CBR4: variants seen among roughly 807,000 people sequenced by gnomAD.
The protein encoded by CBR4 is 3-oxoacyl-[acyl-carrier-protein] reductase.
Under a neutral mutation model 21.0 loss-of-function variants are expected in CBR4, and 22 were observed. The ratio of observed to expected loss-of-function variants is 1.05; its 90% CI spans 0.75 to 1.50. CBR4 has a LOEUF of 1.50. Among genes scored for constraint, CBR4 ranks in the 40% most tolerant of loss-of-function variants. The pLI, the probability that CBR4 is intolerant of heterozygous loss-of-function variation, is 0.00. For synonymous variants in CBR4, 100 were observed against 104.4 expected (o/e 0.96, Z 0.26); for missense variants, 302 against 286.3 (o/e 1.05, Z -0.40).
intron 2 of CBR4, among the ~76,000 whole-genome samples, chr4:168,902,990 T>A (rs2151300006): frequency 6.6e-6 from 1 of 152,284 alleles, no homozygotes; most frequent in East Asian, 1.9e-4. Flanking sequence ...CTTGAATTCC[T>A]GGGCTTGAGC....
At chr4:168,942,484 T>C (rs1763291039) in intron 2 of CBR4, among the ~76,000 whole-genome samples, 1 of 151,598 alleles carries the variant, frequency 6.6e-6, no homozygotes, top group Non-Finnish European at 1.5e-5. Context: ...GAAAAAATAA[T>C]GGATCAAAGG....
At chr4:168,975,455 C>A (rs1764339894) in intron 2 of CBR4, among the ~76,000 whole-genome samples, 2 of 152,152 alleles carry the variant, frequency 1.3e-5, no homozygotes, top group Admixed American at 1.3e-4. Flanking sequence ...GGTAGAATTA[C>A]CTGTTGTATT....
At chr4:169,002,870 G>T (rs2126857552) in intron 3 of CBR4, among the ~76,000 whole-genome samples, 1 of 151,550 alleles carries the variant, frequency 6.6e-6, no homozygotes, top group Non-Finnish European at 1.5e-5. Context: ...TCACATTTTG[G>T]TAATTTTCAT....
chr4:168,956,467 G>A (rs912173975), intron 2 of CBR4, among the ~76,000 whole-genome samples: 7 of 151,608 alleles, frequency 4.6e-5, no homozygotes, highest in African/African-American at 7.3e-5. Flanking sequence ...GCACGGTGGC[G>A]TGTGCCTATA....
Position 168,989,715 on chromosome 4 carries a change from TAAATCAATACTTGTTTATATGACTTGCAA to T in CBR4, c.*406_*434del. 1.0e-6 allele frequency: 1 copy of T among 980,988 alleles called. No homozygotes were observed. The allele number at this position is 980,988 out of a possible 1,614,324, so 60.8% of individuals were successfully genotyped here. A position where few individuals can be genotyped will look rare whatever the true frequency, so the allele number is the denominator to read the frequency against. On this transcript the variant is annotated 3_prime_UTR_variant, in exon 5 of 5. Coordinates refer to ENST00000306193, the MANE Select transcript of CBR4 (RefSeq NM_032783.5). Reference sequence around the variant, plus strand: ...TTTTCCACTTTTGAGACAAAATATATAAATCAATACTTGTTTATATGACTTGCAAAATGTCTATACACTAAGATTGCTAC... The same window carrying T: ...TTTTCCACTTTTGAGACAAAATATATAATGTCTATACACTAAGATTGCTAC...
rs551821563 is a variant in CBR4, at chr4:168,972,181, T to C, written n.169+29890A>G. 2.2e-4 allele frequency among the ~76,000 whole-genome samples: 33 copies of C among 152,330 alleles called. No homozygotes were observed. The South Asian group carries it at 2.7e-3, about 12-fold the overall frequency. On this transcript the variant is annotated intron_variant and non_coding_transcript_variant, in intron 2 of 3. Coordinates refer to the CBR4 transcript ENST00000509108. The stretch of plus-strand genomic sequence containing the variant: ...CCAGTATCATGCTATTTGATAAGTA[T>C]AGCCTGTAGTATAGTTTGAAGTCGG...
chr4:168,921,383 G>A (rs561193219), intron 2 of CBR4: 1 of 584,242 alleles, frequency 1.7e-6, no homozygotes, highest in Non-Finnish European at 2.9e-6. Flanking sequence ...CTCCAGCCTG[G>A]GCAATAAGAG....
rs1177590233 is a variant in CBR4 at position 168,998,010 on chromosome 4, A to G, written c.535+4061T>C. Among the ~76,000 whole-genome samples the G allele has an allele frequency of 5.3e-5, 8 of 152,222 alleles. No homozygotes were observed. The East Asian group carries it at 1.5e-3, about 29-fold the overall frequency. ...CAGAGTGGGAAATCAACTTCATTCC[A>G]AACAGCACATAAGAACACTTAGAAT... On this transcript the variant is annotated intron_variant, in intron 4 of 4. Coordinates refer to ENST00000306193, the MANE Select transcript of CBR4 (RefSeq NM_032783.5).
chr4:169,008,839 C>A, intron 1 of CBR4: 2 of 390,304 alleles, frequency 5.1e-6, no homozygotes, highest in Non-Finnish European at 9.9e-6. Context: ...TCTCCCTGAC[C>A]TATAACTTAC....
intron 3 of CBR4, among the ~76,000 whole-genome samples, chr4:169,003,395 G>T (rs1352507438): frequency 6.6e-6 from 1 of 152,220 alleles, no homozygotes; most frequent in Non-Finnish European, 1.5e-5. Context: ...GCAATCTTAT[G>T]ATAAAACAAA....
At chr4:168,946,573 A>C (rs989201846) in intron 2 of CBR4, among the ~76,000 whole-genome samples, 7 of 150,496 alleles carry the variant, frequency 4.7e-5, no homozygotes, top group African/African-American at 1.7e-4. Flanking sequence ...ACAAAAATGT[A>C]AAGTAATGTC....
intron 2 of CBR4, among the ~76,000 whole-genome samples, chr4:168,943,270 G>A (rs1763311571): frequency 6.6e-6 from 1 of 152,166 alleles, no homozygotes; most frequent in Admixed American, 6.5e-5. Flanking sequence ...AGCTTCCTGA[G>A]ACCTCTGCAA....
chr4:168,960,862 C>T (rs1449599761), intron 2 of CBR4, among the ~76,000 whole-genome samples: 3 of 152,248 alleles, frequency 2.0e-5, no homozygotes, highest in Non-Finnish European at 2.9e-5. Flanking sequence ...GGTAGGTATG[C>T]GGTGGCATCT....
At chr4:168,922,748 C>T (rs1761831999) in intron 2 of CBR4, among the ~76,000 whole-genome samples, 1 of 152,184 alleles carries the variant, frequency 6.6e-6, no homozygotes, top group Non-Finnish European at 1.5e-5. Flanking sequence ...TTCTTACATG[C>T]TACAATTGAT....
intron 2 of CBR4, chr4:168,898,799 G>A: frequency 1.2e-6 from 1 of 861,786 alleles, no homozygotes; most frequent in Non-Finnish European, 2.0e-6. Context: ...GTAGGAGAAA[G>A]AGATACAAAT....
intron 2 of CBR4, among the ~76,000 whole-genome samples, chr4:168,972,671 GC>G (rs1764246163): frequency 2.6e-5 from 4 of 152,150 alleles, no homozygotes; most frequent in Admixed American, 2.6e-4. Flanking sequence ...AGATCTAGAA[GC>G]TTTCCAAATG....
intron 3 of CBR4, among the ~76,000 whole-genome samples, chr4:169,006,077 G>T (rs142206493): frequency 2.0e-5 from 3 of 152,216 alleles, no homozygotes; most frequent in East Asian, 3.9e-4. Context: ...AAAACTAGGG[G>T]TTACTTACAT....
At chr4:168,894,627 A>T in exon 3 of CBR4, 1 of 1,613,826 alleles carries the variant, frequency 6.2e-7, no homozygotes, top group South Asian at 1.1e-5. Flanking sequence ...AGGTGCTGAC[A>T]GTGCAACTGT....
intron 2 of CBR4, among the ~76,000 whole-genome samples, chr4:168,929,978 G>A (rs930189302): frequency 2.6e-5 from 4 of 152,244 alleles, no homozygotes; most frequent in African/African-American, 9.6e-5. Flanking sequence ...CCCCCTAGCT[G>A]AAATTTAGAA....
Sources: allele counts gnomAD v4.1 joint callset (sites outside exome capture counted in the v4.1 genomes callset), GRCh38; gene constraint gnomAD v4.1.1; transcripts MANE v1.5; gene names NCBI Gene and HGNC (gene_info 2026-07-23, HGNC 2026-07-21).